The following MRPS9 variants were observed in gnomAD, a reference collection of about 807,000 sequenced individuals.
The protein encoded by MRPS9 is mitochondrial ribosomal protein S9.
MRPS9 carries 45 observed loss-of-function variants against 59.9 expected under a neutral mutation model. That is an observed-to-expected ratio of 0.75 (90% confidence interval 0.59 to 0.96). The LOEUF (loss-of-function observed/expected upper bound fraction) is 0.96, where lower values mean the gene tolerates loss of function less well. MRPS9 is among the 40% of genes least tolerant of loss of function. MRPS9 has a pLI of 0.00. For synonymous variants in MRPS9, 171 were observed against 166.8 expected, an observed-to-expected ratio of 1.03 and a Z score of -0.19; for missense variants, 473 against 481.1, an observed-to-expected ratio of 0.98 and a Z score of 0.16.
At chr2:105,088,502 A>G (rs1680493146) in intron 5 of MRPS9, among the ~76,000 whole-genome samples, 1 of 152,126 alleles carries the variant, frequency 6.6e-6, no homozygotes, top group South Asian at 2.1e-4. Context: ...CTATATGATA[A>G]GGACTTCAAT....
intron 2 of MRPS9, among the ~76,000 whole-genome samples, chr2:105,060,135 C>A (rs1436060906): frequency 6.6e-6 from 1 of 151,052 alleles, no homozygotes; most frequent in Non-Finnish European, 1.5e-5. Flanking sequence ...TTGCCCTAAT[C>A]TAAAATTTTT....
intron 2 of MRPS9, among the ~76,000 whole-genome samples, chr2:105,055,585 G>A (rs944082472): frequency 9.3e-5 from 14 of 150,660 alleles, no homozygotes; most frequent in African/African-American, 2.7e-4. Flanking sequence ...TAAATATAGC[G>A]GACCCCTTTT....
At chr2:105,095,610 G>T (rs894720964) in intron 9 of MRPS9, among the ~76,000 whole-genome samples, 2 of 149,800 alleles carry the variant, frequency 1.3e-5, no homozygotes. Flanking sequence ...CAATTCTCCT[G>T]CCTCAGCCTC....
intron 2 of MRPS9, among the ~76,000 whole-genome samples, chr2:105,054,072 C>T (rs1479834351): frequency 1.3e-5 from 2 of 152,122 alleles, no homozygotes; most frequent in African/African-American, 2.4e-5. Context: ...AAATACAGGA[C>T]CTGGGATTTA....
rs1573410087 is a variant in MRPS9 at position 105,038,194 on chromosome 2, G to C, written c.102G>C (p.Ala34=). The C allele has an allele frequency of 6.2e-7, 1 of 1,613,072 alleles. No individual in the cohort carries two copies. The highest frequency in any genetic ancestry group is 2.2e-5 in the East Asian group (1 of 44,852). The change falls in exon 1 of 11, where the codon GCG becomes GCC. Residue 34 remains alanine, a synonymous_variant. Transcript: ENST00000258455. ...LARKQGLWKT[A]APELQTNVRS... ...GGAAGCAAGGCCTCTGGAAAACCGC[G>C]GCCCCTGAGTTGCAAACAAATGTCA...
chr2:105,040,710 A>C (rs79407521), intron 1 of MRPS9, among the ~76,000 whole-genome samples: 8,408 of 152,254 alleles, frequency 0.055, 397 homozygotes, highest in East Asian at 0.27. Flanking sequence ...AGGCAGTCTT[A>C]TGAATGGCCA....
intron 1 of MRPS9, among the ~76,000 whole-genome samples, chr2:105,042,737 AC>A (rs1233008821): frequency 6.6e-6 from 1 of 151,912 alleles, no homozygotes. Context: ...CTTTAACATC[AC>A]TCATTTCTTC....
intron 2 of MRPS9, among the ~76,000 whole-genome samples, chr2:105,070,030 C>T (rs1680084780): frequency 6.6e-6 from 1 of 152,004 alleles, no homozygotes; most frequent in Admixed American, 6.6e-5. Context: ...AAAAAGTCTA[C>T]CTTTTTTCCC....
At chr2:105,077,221 G>A (rs959628507) in intron 4 of MRPS9, among the ~76,000 whole-genome samples, 1 of 142,090 alleles carries the variant, frequency 7.0e-6, no homozygotes, top group Non-Finnish European at 1.5e-5. Flanking sequence ...CTCCAGCCTG[G>A]GCAATAGAGG....
chr2:105,061,652 T>C (rs1405161320), intron 2 of MRPS9, among the ~76,000 whole-genome samples: 1 of 152,186 alleles, frequency 6.6e-6, no homozygotes, highest in African/African-American at 2.4e-5. Flanking sequence ...CCATCCCTGC[T>C]TTTATAATGG....
intron 5 of MRPS9, among the ~76,000 whole-genome samples, chr2:105,085,680 G>A (rs965050312): frequency 6.6e-6 from 1 of 152,118 alleles, no homozygotes; most frequent in African/African-American, 2.4e-5. Context: ...CTGATGACAC[G>A]AGGGGTGGAT....
At chr2:105,077,038 G>A (rs1680224295) in intron 4 of MRPS9, among the ~76,000 whole-genome samples, 2 of 152,172 alleles carry the variant, frequency 1.3e-5, no homozygotes, top group Non-Finnish European at 2.9e-5. Flanking sequence ...CACAAGGTCA[G>A]GAGTTCAAGA....
intron 2 of MRPS9, among the ~76,000 whole-genome samples, chr2:105,051,768 T>G (rs1679715081): frequency 6.7e-6 from 1 of 149,618 alleles, no homozygotes; most frequent in Non-Finnish European, 1.5e-5. Context: ...TTGTTAAATT[T>G]ATTTCTAAGT....
chr2:105,046,403 G>T (rs75974832), intron 1 of MRPS9, among the ~76,000 whole-genome samples: 113 of 151,736 alleles, frequency 7.4e-4, no homozygotes, highest in African/African-American at 2.7e-3. Context: ...CATGTTTTTT[G>T]TCCTAACGCT....
At chr2:105,071,583 G>A in intron 4 of MRPS9, 94 bp downstream of exon 4, 3 of 1,213,122 alleles carry the variant, frequency 2.5e-6, no homozygotes, top group Non-Finnish European at 2.3e-6. Context: ...TCGTAGGGTG[G>A]CCTTCCTGTG....
chr2:105,059,378 A>C (rs1393872699), intron 2 of MRPS9, among the ~76,000 whole-genome samples: 1 of 152,134 alleles, frequency 6.6e-6, no homozygotes, highest in Non-Finnish European at 1.5e-5. Flanking sequence ...GTGGATGGTG[A>C]GGATGTTTGA....
At chr2:105,078,499 G>A (rs1008432000) in intron 4 of MRPS9, among the ~76,000 whole-genome samples, 1 of 151,962 alleles carries the variant, frequency 6.6e-6, no homozygotes, top group Non-Finnish European at 1.5e-5. Context: ...AATTGCATAA[G>A]AAAAGAAAAA....
intron 2 of MRPS9, among the ~76,000 whole-genome samples, chr2:105,055,946 G>A (rs868798242): frequency 1.6e-4 from 25 of 152,082 alleles, no homozygotes; most frequent in African/African-American, 5.6e-4. Context: ...AAAATGTTTG[G>A]CTTTTAATAT....
chr2:105,074,302 A>G (rs1317114728), intron 4 of MRPS9, among the ~76,000 whole-genome samples: 1 of 152,206 alleles, frequency 6.6e-6, no homozygotes, highest in Non-Finnish European at 1.5e-5. Flanking sequence ...GGGTATGATA[A>G]ACAAAACCAT....
Sources: gnomAD v4.1 joint callset for allele counts (sites outside exome capture counted in the v4.1 genomes callset) on GRCh38, gnomAD v4.1.1 for gene constraint, MANE v1.5 for transcripts, NCBI Gene and HGNC (gene_info 2026-07-23, HGNC 2026-07-21) for gene names.